ARFGEF3: variants seen among roughly 807,000 people sequenced by gnomAD.
ARFGEF3 encodes ARFGEF family member 3, also known as brefeldin A-inhibited guanine nucleotide-exchange protein 3.
In ARFGEF3, 96 loss-of-function variants were observed where a neutral mutation model predicts 221.7. The ratio of observed to expected loss-of-function variants is 0.43; its 90% CI spans 0.37 to 0.51. The LOEUF is 0.51. ARFGEF3 is among the 20% of genes least tolerant of loss of function. The pLI is 0.00. For synonymous variants in ARFGEF3, 1,145 were observed against 1,126.8 expected (o/e 1.02, Z -0.32); for missense variants, 2,410 against 2,789.9 (o/e 0.86, Z 3.07).
intron 27 of ARFGEF3, among the ~76,000 whole-genome samples, chr6:138,318,813 A>ATAGTC (rs1779971056): frequency 6.6e-6 from 1 of 152,224 alleles, no homozygotes; most frequent in Non-Finnish European, 1.5e-5. Flanking sequence ...TCATTATAGC[A>ATAGTC]TAGTCTATAA....
At chr6:138,211,087 C>A (rs186769444) in intron 4 of ARFGEF3, among the ~76,000 whole-genome samples, 106 of 152,264 alleles carry the variant, frequency 7.0e-4, no homozygotes, top group African/African-American at 2.5e-3. Flanking sequence ...CCTTGATTTC[C>A]TTGTGTGTAA....
At position 138,162,134 on chromosome 6, in the gene ARFGEF3, G is replaced by A; in HGVS notation, c.48G>A (p.Lys16=). The A allele has an allele frequency of 6.2e-7, 1 of 1,606,426 alleles. No homozygotes were observed. The highest frequency in any genetic ancestry group is 1.4e-5 in the African/African-American group (1 of 73,908). The change falls in exon 1 of 34, where the codon AAG becomes AAA. Residue 16 remains lysine, a synonymous_variant. Transcript: ENST00000251691. This position sits in a 1 kb window ranked among gnomAD's most constrained non-coding sequence, Gnocchi z 4.7. ...TGCAGAAGGAGGCGTCCGGGAGCAAGTACAAAGCCATCAAGGAGAGCTGCA... is the reference window on the plus strand; with the variant it reads ...TGCAGAAGGAGGCGTCCGGGAGCAAATACAAAGCCATCAAGGAGAGCTGCA... The part of the protein sequence containing the change: ...RKLQKEASGS[K]YKAIKESCTW...
intron 16 of ARFGEF3, 65 bp downstream of exon 16, chr6:138,286,981 G>A (rs1446112061): frequency 2.5e-6 from 4 of 1,586,140 alleles, no homozygotes; most frequent in Non-Finnish European, 3.4e-6. Context: ...GACCCAGCAG[G>A]GTGGGGCAGG....
chr6:138,332,131 G>A (rs561671752), intron 32 of ARFGEF3, among the ~76,000 whole-genome samples: 10 of 152,276 alleles, frequency 6.6e-5, no homozygotes, highest in South Asian at 6.2e-4. Flanking sequence ...TGTTGTGAGC[G>A]AAGGGTTTCA....
At chr6:138,302,718 A>G (rs1374612857) in intron 22 of ARFGEF3, among the ~76,000 whole-genome samples, 1 of 152,240 alleles carries the variant, frequency 6.6e-6, no homozygotes, top group Non-Finnish European at 1.5e-5. Context: ...TTCAGAAAGA[A>G]TGAAGGCTAG....
chr6:138,188,755 G>A lies in ARFGEF3; in HGVS notation c.137+18042G>A, dbSNP rs34041859. ...TCACATCACATAGTGCCAGACCTGA[G>A]GCTACTTGTTGGGCAGGTTAATGCA... On this transcript the variant is annotated intron_variant, in intron 2 of 33. Transcript: ENST00000251691. 2.3e-3 allele frequency among the ~76,000 whole-genome samples: 345 copies of A among 152,320 alleles called. 2 individuals are homozygous for A. Among genetic ancestry groups the A allele is most frequent in the Non-Finnish European group, 3.1e-3 (209 of 68,032 alleles).
chr6:138,265,049 G>A (rs6923824), intron 12 of ARFGEF3, among the ~76,000 whole-genome samples: 102,116 of 151,412 alleles, frequency 0.67, 34,532 homozygotes, highest in Non-Finnish European at 0.71. Context: ...GACTACAGGC[G>A]CCCACCACCA....
In ARFGEF3 at chr6:138,334,006, T is replaced by G; in HGVS notation, c.5160T>G (p.Ser1720=). 9.3e-6 allele frequency: 15 copies of G among 1,611,060 alleles called. No individual in the cohort carries two copies. The highest frequency in any genetic ancestry group is 1.3e-5 in the Non-Finnish European group (15 of 1,177,520). ...SFREIVVSLL[S]HQVLLQNLYD... is the part of the protein sequence containing the mutation. ...GGGAAATTGTGGTGAGCCTGCTGTCTCATCAGGTGTTACTCCAGAACTTAT... is the reference window on the plus strand; with the variant it reads ...GGGAAATTGTGGTGAGCCTGCTGTCGCATCAGGTGTTACTCCAGAACTTAT... The change falls in exon 33 of 34, where the codon TCT becomes TCG. Residue 1720 remains serine, a synonymous_variant. Coordinates refer to ENST00000251691, the MANE Select transcript of ARFGEF3 (RefSeq NM_020340.5). This position sits in a 1 kb window ranked among gnomAD's most constrained non-coding sequence, Gnocchi z 5.1.
chr6:138,231,779 A>G (rs1275033295), intron 5 of ARFGEF3, among the ~76,000 whole-genome samples: 2 of 152,188 alleles, frequency 1.3e-5, no homozygotes, highest in African/African-American at 4.8e-5. Flanking sequence ...CTGATCAGGA[A>G]GTGGGATGTG....
chr6:138,259,891 G>A (rs1029022908), intron 10 of ARFGEF3, among the ~76,000 whole-genome samples: 3 of 152,024 alleles, frequency 2.0e-5, no homozygotes, highest in African/African-American at 7.3e-5. Flanking sequence ...TCCAGTCTGG[G>A]TGACAGAGCG....
At chr6:138,234,215 A>C (rs1428265507) in intron 5 of ARFGEF3, among the ~76,000 whole-genome samples, 1 of 152,180 alleles carries the variant, frequency 6.6e-6, no homozygotes, top group Non-Finnish European at 1.5e-5. Context: ...TCTGTAGACC[A>C]AGTAGATGGC....
intron 16 of ARFGEF3, 40 bp from the exon 17 acceptor site, chr6:138,287,034 A>G: frequency 6.4e-7 from 1 of 1,558,632 alleles, no homozygotes; most frequent in Non-Finnish European, 8.7e-7. Context: ...TGGTTAGAGG[A>G]TATACTCAGT....
Position 138,323,752 on chromosome 6 carries a change from T to C in ARFGEF3, c.4848T>C (p.Ser1616=). 2 of 1,614,020 alleles carry C rather than the reference T, an allele frequency of 1.2e-6. No homozygotes were observed. The highest frequency in any genetic ancestry group is 1.7e-6 in the Non-Finnish European group (2 of 1,179,868). ...GCTGTGCCCTGCAAGATGCGTTCTC[T>C]GCCACACTCAAGCCAGTGAAGGTAC... ...LACCALQDAF[S]ATLKPVKDLL... is the part of the protein sequence containing the mutation. The change falls in exon 30 of 34, where the codon TCT becomes TCC. Residue 1616 remains serine, a synonymous_variant. Transcript: ENST00000251691.
At chr6:138,281,592 C>T (rs1163583942) in intron 14 of ARFGEF3, among the ~76,000 whole-genome samples, 1 of 152,184 alleles carries the variant, frequency 6.6e-6, no homozygotes, top group Non-Finnish European at 1.5e-5. Context: ...TGCATTAACT[C>T]GTTTGGGATA....
chr6:138,332,084 T>A (rs1780237089), intron 32 of ARFGEF3, among the ~76,000 whole-genome samples: 1 of 152,126 alleles, frequency 6.6e-6, no homozygotes, highest in Non-Finnish European at 1.5e-5. Context: ...GGCTGGAAAA[T>A]GGCTTTCCAT....
At chr6:138,195,857 G>C (rs1004642971) in intron 2 of ARFGEF3, among the ~76,000 whole-genome samples, 2 of 152,108 alleles carry the variant, frequency 1.3e-5, no homozygotes, top group Non-Finnish European at 2.9e-5. Flanking sequence ...GCTGTGTGAG[G>C]AATTAAGTGT....
intron 15 of ARFGEF3, 103 bp downstream of exon 15, chr6:138,286,156 G>T (rs1779284808): frequency 1.2e-6 from 1 of 812,398 alleles, no homozygotes; most frequent in East Asian, 2.7e-5. Context: ...GTCTTGGTTA[G>T]AAAAAGTAAT....
At chr6:138,172,694 A>G (rs76227341) in intron 2 of ARFGEF3, among the ~76,000 whole-genome samples, 1,876 of 152,298 alleles carry the variant, frequency 0.012, 22 homozygotes, top group Middle Eastern at 0.034. Flanking sequence ...TTACAACTAT[A>G]AAGGTAAAAA....
intron 12 of ARFGEF3, among the ~76,000 whole-genome samples, chr6:138,277,452 A>C (rs138950763): frequency 2.0e-5 from 3 of 152,248 alleles, no homozygotes; most frequent in African/African-American, 7.2e-5. Flanking sequence ...CGTCTGTTCA[A>C]ATCCCTGCTT....
Sources: gnomAD v4.1 joint callset for allele counts (sites outside exome capture counted in the v4.1 genomes callset) on GRCh38, gnomAD v4.1.1 for gene constraint, Gnocchi (gnomAD v3.1) non-coding constraint, MANE v1.5 for transcripts, NCBI Gene and HGNC (gene_info 2026-07-23, HGNC 2026-07-21) for gene names.